Variants in TMCC3 observed in about 807,000 individuals in gnomAD.
The protein encoded by TMCC3 is transmembrane and coiled-coil domain family 3, also known as transmembrane and coiled-coil domain protein 3.
TMCC3 carries 28 observed loss-of-function variants against 40.2 expected under a neutral mutation model. That is an observed-to-expected ratio of 0.70 (90% CI 0.52 to 0.95). The LOEUF is 0.95. Ranked by LOEUF, TMCC3 falls within the 40% of genes least tolerant of loss-of-function variation. The pLI, the probability that TMCC3 is intolerant of heterozygous loss-of-function variation, is 0.00. For synonymous variants in TMCC3, 255 were observed against 248.5 expected (o/e 1.03, Z -0.25); for missense variants, 554 against 615.2 (o/e 0.90, Z 1.05).
At chr12:94,589,426 C>CTTT (rs1182648860) in intron 1 of TMCC3, among the ~76,000 whole-genome samples, 1 of 152,186 alleles carries the variant, frequency 6.6e-6, no homozygotes, top group African/African-American at 2.4e-5. Flanking sequence ...TGGACGTTCT[C>CTTT]TAAAAGACAG....
chr12:94,581,350 G>A (rs2068599775), intron 2 of TMCC3, among the ~76,000 whole-genome samples: 1 of 152,140 alleles, frequency 6.6e-6, no homozygotes, highest in Non-Finnish European at 1.5e-5. Flanking sequence ...AGTTTTGCAT[G>A]AGGGATGCAT....
chr12:94,635,950 T>A (rs1178158297), intron 1 of TMCC3, among the ~76,000 whole-genome samples: 2 of 152,060 alleles, frequency 1.3e-5, no homozygotes, highest in East Asian at 3.8e-4. Flanking sequence ...ATTACATGCA[T>A]AAGCCACTGA....
At position 94,626,462 on chromosome 12, in the gene TMCC3, G is replaced by A. The variant is rs560790518; in HGVS notation, c.78+23891C>T. Among the ~76,000 whole-genome samples, 10 of 152,230 alleles carry A rather than the reference G, an allele frequency of 6.6e-5. No homozygotes were observed. The South Asian group carries it at 2.1e-3, about 32-fold the overall frequency. On this transcript the variant is annotated intron_variant, in intron 1 of 3. Transcript: ENST00000261226. ...ACTTATTTAAATTAATGTAGCCAAG[G>A]CCTTACAAATCCTTTGATGTATTAA...
In TMCC3 at chr12:94,616,177, G is replaced by A. The variant is rs191971785; in HGVS notation, c.79-33639C>T. The A allele has an allele frequency of 1.2e-5, 10 of 821,868 alleles. No homozygotes were observed. In the East Asian group the frequency reaches 1.2e-3, roughly 102 times the overall value. The allele number at this position is 821,868 out of a possible 1,614,324, so 50.9% of individuals were successfully genotyped here. On this transcript the variant is annotated intron_variant, in intron 1 of 3. Coordinates refer to ENST00000261226, the MANE Select transcript of TMCC3 (RefSeq NM_020698.4). ...AATGCACCGTATTCAACACATTGCT[G>A]TACAAATGGGCTCTTTGTGCAGTCA...
chr12:94,582,215 C>A lies in TMCC3; in HGVS notation c.402G>T (p.Glu134Asp). 1 of 1,614,186 alleles carries A rather than the reference C, an allele frequency of 6.2e-7. No individual in the cohort carries two copies. The highest frequency in any genetic ancestry group is 1.1e-5 in the South Asian group (1 of 91,080). ...TCTCTCTGAGCTTTCGATGATACTG[C>A]TCTAACTTCTTCTGCAGCTGGGCGA... The part of the protein sequence containing the change: ...HSIAQLQKKL[E>D]QYHRKLREIE... Residue 134 changes from glutamate (E) to aspartate (D), a missense_variant, in exon 2 of 4, where the codon GAG becomes GAT. Coordinates refer to ENST00000261226, the MANE Select transcript of TMCC3 (RefSeq NM_020698.4).
intron 1 of TMCC3, among the ~76,000 whole-genome samples, chr12:94,631,434 A>G (rs1165015446): frequency 6.6e-6 from 1 of 152,322 alleles, no homozygotes; most frequent in East Asian, 1.9e-4. Context: ...TGATGACCTT[A>G]TAAGAAGAGA....
intron 1 of TMCC3, among the ~76,000 whole-genome samples, chr12:94,587,716 T>A (rs1013413116): frequency 7.9e-5 from 12 of 152,196 alleles, no homozygotes; most frequent in African/African-American, 2.9e-4. Flanking sequence ...CAATTTCATT[T>A]AAAAATGTAT....
intron 1 of TMCC3, among the ~76,000 whole-genome samples, chr12:94,630,157 T>G (rs1351715230): frequency 1.3e-5 from 2 of 151,904 alleles, no homozygotes; most frequent in Non-Finnish European, 2.9e-5. Context: ...TCCCAGCTAC[T>G]TGGGAGGCTG....
At chr12:94,646,892 C>T (rs1167168789) in intron 1 of TMCC3, among the ~76,000 whole-genome samples, 1 of 152,004 alleles carries the variant, frequency 6.6e-6, no homozygotes, top group Non-Finnish European at 1.5e-5. Flanking sequence ...TTAAGAAGCT[C>T]GAAGAGCCAG....
At chr12:94,574,286 G>A (rs1205265951) in intron 3 of TMCC3, among the ~76,000 whole-genome samples, 2 of 151,944 alleles carry the variant, frequency 1.3e-5, no homozygotes, top group South Asian at 2.1e-4. Flanking sequence ...TACTCAGGAG[G>A]TTGAGGCAGG....
chr12:94,618,977 T>C (rs551315541), intron 1 of TMCC3, among the ~76,000 whole-genome samples: 33 of 152,310 alleles, frequency 2.2e-4, no homozygotes, highest in African/African-American at 7.0e-4. Context: ...GAATCTGCCA[T>C]TGAGGTGGCA....
chr12:94,636,797 G>A (rs1049976836), intron 1 of TMCC3, among the ~76,000 whole-genome samples: 1 of 152,238 alleles, frequency 6.6e-6, no homozygotes, highest in Non-Finnish European at 1.5e-5. Context: ...GCGGCTGAGG[G>A]CCTCAGGTCT....
intron 1 of TMCC3, among the ~76,000 whole-genome samples, chr12:94,595,779 T>C (rs1209379270): frequency 6.6e-6 from 1 of 152,198 alleles, no homozygotes; most frequent in Non-Finnish European, 1.5e-5. Context: ...TTCTAATATA[T>C]GCCAGCAGTA....
At chr12:94,611,829 T>C (rs1027607120) in intron 1 of TMCC3, among the ~76,000 whole-genome samples, 1 of 152,170 alleles carries the variant, frequency 6.6e-6, no homozygotes, top group African/African-American at 2.4e-5. Context: ...CTAAATATTT[T>C]TGACCCCTGG....
At chr12:94,589,115 G>A (rs1022052055) in intron 1 of TMCC3, among the ~76,000 whole-genome samples, 92 of 145,156 alleles carry the variant, frequency 6.3e-4, no homozygotes, top group African/African-American at 2.4e-3. Flanking sequence ...GAGCCACCAC[G>A]CCTGGCCAGT....
intron 1 of TMCC3, among the ~76,000 whole-genome samples, chr12:94,637,392 T>G (rs1285323105): frequency 2.6e-5 from 4 of 152,182 alleles, no homozygotes; most frequent in Admixed American, 1.3e-4. Context: ...AAGATATACA[T>G]TGAAATGGGC....
At chr12:94,600,861 T>C (rs2138849316) in intron 1 of TMCC3, among the ~76,000 whole-genome samples, 1 of 152,304 alleles carries the variant, frequency 6.6e-6, no homozygotes, top group Middle Eastern at 3.4e-3. Context: ...CTGAAAGCAT[T>C]CACTTTCTCA....
At chr12:94,602,209 A>T (rs1304799176) in intron 1 of TMCC3, among the ~76,000 whole-genome samples, 1 of 152,242 alleles carries the variant, frequency 6.6e-6, no homozygotes, top group Non-Finnish European at 1.5e-5. Context: ...TCTCTCCTTC[A>T]AAATCCTTTC....
intron 1 of TMCC3, among the ~76,000 whole-genome samples, chr12:94,631,810 T>G (rs1366213005): frequency 6.6e-6 from 1 of 152,188 alleles, no homozygotes; most frequent in Non-Finnish European, 1.5e-5. Context: ...TAACCTACTT[T>G]CTAACTGTGG....
Sources: gnomAD v4.1 joint callset for allele counts (sites outside exome capture counted in the v4.1 genomes callset) on GRCh38, gnomAD v4.1.1 for gene constraint, MANE v1.5 for transcripts, NCBI Gene and HGNC (gene_info 2026-07-23, HGNC 2026-07-21) for gene names.